The following PRKCA variants were observed in gnomAD, a reference collection of about 807,000 sequenced individuals.
The protein encoded by PRKCA is protein kinase C alpha.
Under a neutral mutation model 87.0 loss-of-function variants are expected in PRKCA, and 27 were observed. The observed-to-expected ratio is 0.31, with a 90% CI of 0.23 to 0.43. The LOEUF is 0.43. PRKCA is among the 20% of genes least tolerant of loss of function. PRKCA has a pLI of 1.00. For missense variants in PRKCA, 518 were observed against 852.3 expected, an observed-to-expected ratio of 0.61 and a Z score of 4.88; for synonymous variants, 329 against 311.1, an observed-to-expected ratio of 1.06 and a Z score of -0.61.
intron 2 of PRKCA, among the ~76,000 whole-genome samples, chr17:66,369,057 G>A (rs570239513): frequency 2.3e-4 from 35 of 152,312 alleles, no homozygotes; most frequent in African/African-American, 7.7e-4. Flanking sequence ...TTCCCAAGTG[G>A]TTGTGAAAGG....
chr17:66,754,622 G>A lies in PRKCA; in HGVS notation c.1524+11862G>A, dbSNP rs191568243. ...CATTAAGGAGGTTCCTGAAAAACTC[G>A]GTGGGGGAAAAGAGAGGATCTGAAG... On this transcript the variant is annotated intron_variant, in intron 13 of 16. Coordinates refer to ENST00000413366, the MANE Select transcript of PRKCA (RefSeq NM_002737.3). 5.3e-5 allele frequency among the ~76,000 whole-genome samples: 8 copies of A among 152,234 alleles called. No individual in the cohort carries two copies. The East Asian group carries it at 9.6e-4, about 18-fold the overall frequency.
intron 2 of PRKCA, among the ~76,000 whole-genome samples, chr17:66,335,333 C>A (rs1257859732): frequency 6.6e-6 from 1 of 151,912 alleles, no homozygotes; most frequent in African/African-American, 2.4e-5. Flanking sequence ...CGAGGTGTGA[C>A]TATGTTGCCC....
chr17:66,701,883 A>G (rs1235390239), intron 8 of PRKCA, among the ~76,000 whole-genome samples: 1 of 152,146 alleles, frequency 6.6e-6, no homozygotes, highest in Non-Finnish European at 1.5e-5. Flanking sequence ...TTGGCATATC[A>G]GTTATGGAGA....
chr17:66,399,593 C>T (rs1482274384), intron 2 of PRKCA, among the ~76,000 whole-genome samples: 1 of 152,260 alleles, frequency 6.6e-6, no homozygotes, highest in South Asian at 2.1e-4. Context: ...AACTGTTTGC[C>T]TATCAAACAA....
At chr17:66,352,557 G>GTTTT (rs1907805762) in intron 2 of PRKCA, among the ~76,000 whole-genome samples, 1 of 90,302 alleles carries the variant, frequency 1.1e-5, no homozygotes. Flanking sequence ...TGTTTTTTGA[G>GTTTT]GTTTTTTTTT....
chr17:66,768,907 G>T (rs1168248031), intron 13 of PRKCA, among the ~76,000 whole-genome samples: 4 of 152,154 alleles, frequency 2.6e-5, no homozygotes, highest in Non-Finnish European at 5.9e-5. Flanking sequence ...CAGTTTTAAT[G>T]GATTTTTTTC....
chr17:66,727,760 A>G (rs1213493789), intron 8 of PRKCA, among the ~76,000 whole-genome samples: 1 of 152,076 alleles, frequency 6.6e-6, no homozygotes, highest in African/African-American at 2.4e-5. Flanking sequence ...TGGGGGAGAA[A>G]CGGCAGGCCA....
intron 3 of PRKCA, among the ~76,000 whole-genome samples, chr17:66,604,212 A>T (rs1310244081): frequency 6.6e-6 from 1 of 152,050 alleles, no homozygotes; most frequent in Non-Finnish European, 1.5e-5. Context: ...TCTAAATAAG[A>T]ACTTGCTTTG....
chr17:66,418,759 G>A (rs1912321741), intron 2 of PRKCA, among the ~76,000 whole-genome samples: 1 of 145,086 alleles, frequency 6.9e-6, no homozygotes. Flanking sequence ...TTCTTTGTTT[G>A]TTTGTTTTTT....
intron 3 of PRKCA, among the ~76,000 whole-genome samples, chr17:66,552,178 C>T (rs1320901966): frequency 2.0e-5 from 3 of 152,092 alleles, no homozygotes; most frequent in South Asian, 2.1e-4. Flanking sequence ...CATGCCTATA[C>T]TCCCAATGAG....
chr17:66,325,451 C>G (rs919382690), intron 2 of PRKCA, among the ~76,000 whole-genome samples: 1 of 152,058 alleles, frequency 6.6e-6, no homozygotes, highest in Non-Finnish European at 1.5e-5. Flanking sequence ...TTGCCTCCCG[C>G]CCCACTTTAA....
chr17:66,653,156 G>A (rs903934714), intron 5 of PRKCA, among the ~76,000 whole-genome samples: 8 of 152,244 alleles, frequency 5.3e-5, no homozygotes, highest in Non-Finnish European at 1.2e-4. Context: ...ACATGGATGG[G>A]CAGGGGCTGC....
Position 66,585,224 on chromosome 17 carries a change from C to T in PRKCA, c.289-56131C>T, listed in dbSNP as rs117631717. ...TTAGGCAGGTGGGTTCTCTACCTGG[C>T]CAGCGCCATGTTGCCTGCTTCTTTA... On this transcript the variant is annotated intron_variant, in intron 3 of 16. Transcript: ENST00000413366. Among the ~76,000 whole-genome samples, 308 of 152,280 alleles carry T rather than the reference C, an allele frequency of 2.0e-3. 6 individuals carry two copies. In the East Asian group the frequency reaches 0.039, roughly 20 times the overall value.
intron 3 of PRKCA, among the ~76,000 whole-genome samples, chr17:66,511,919 G>A (rs1399231378): frequency 1.3e-5 from 2 of 151,970 alleles, no homozygotes; most frequent in Admixed American, 6.6e-5. Flanking sequence ...GATCTCGGGT[G>A]TTCTACCCCC....
Position 66,456,731 on chromosome 17 carries a change from T to G in PRKCA, c.206-39470T>G, listed in dbSNP as rs1914590071. ...CAAAGGCCAAAAAATCCGCTGCACCTACTGGCTTCCCAGATGGTGTCCAAG... is the reference window on the plus strand; with the variant it reads ...CAAAGGCCAAAAAATCCGCTGCACCGACTGGCTTCCCAGATGGTGTCCAAG... On this transcript the variant is annotated intron_variant, in intron 2 of 16. Coordinates refer to ENST00000413366, the MANE Select transcript of PRKCA (RefSeq NM_002737.3). 3.9e-5 allele frequency among the ~76,000 whole-genome samples: 6 copies of G among 152,324 alleles called. No homozygotes were observed. In the South Asian group the frequency reaches 1.2e-3, roughly 32 times the overall value.
intron 5 of PRKCA, among the ~76,000 whole-genome samples, chr17:66,655,961 G>C (rs773608455): frequency 6.6e-6 from 1 of 152,138 alleles, no homozygotes; most frequent in Non-Finnish European, 1.5e-5. Context: ...GTGGTACCTC[G>C]TCCTGACTGA....
chr17:66,625,864 C>T (rs1291479397), intron 3 of PRKCA, among the ~76,000 whole-genome samples: 1 of 152,192 alleles, frequency 6.6e-6, no homozygotes, highest in Admixed American at 6.5e-5. Flanking sequence ...ATTTACTTTC[C>T]TGAACCTCCG....
At chr17:66,552,534 C>T (rs575109037) in intron 3 of PRKCA, among the ~76,000 whole-genome samples, 53 of 152,296 alleles carry the variant, frequency 3.5e-4, no homozygotes, top group Non-Finnish European at 5.0e-4. Context: ...TTCAGTTCCT[C>T]GTTGACGTTA....
chr17:66,329,455 CAAGTT>C (rs1435652027), intron 2 of PRKCA, among the ~76,000 whole-genome samples: 2 of 152,068 alleles, frequency 1.3e-5, no homozygotes, highest in Non-Finnish European at 2.9e-5. Flanking sequence ...CATCTGCTTA[CAAGTT>C]AAGTTGAATG....
Sources: gnomAD v4.1 joint callset for allele counts (sites outside exome capture counted in the v4.1 genomes callset) on GRCh38, gnomAD v4.1.1 for gene constraint, MANE v1.5 for transcripts, NCBI Gene and HGNC (gene_info 2026-07-23, HGNC 2026-07-21) for gene names.